Variants in SRPK2 observed in about 807,000 individuals in gnomAD.
SRPK2 encodes the protein SFRS protein kinase 2.
SRPK2 carries 21 observed loss-of-function variants against 90.8 expected under a neutral mutation model. That is an observed-to-expected ratio of 0.23 (90% confidence interval 0.16 to 0.33). The LOEUF is 0.33. SRPK2 is among the 10% of genes least tolerant of loss of function. The pLI is 1.00. For missense variants in SRPK2, 620 were observed against 869.0 expected (o/e 0.71, Z 3.60); for synonymous variants, 288 against 311.1 (o/e 0.93, Z 0.78).
At position 105,388,858 on chromosome 7, in the gene SRPK2, C is replaced by G; in HGVS notation, c.-52G>C. ...GGCTTCGCGACGGCGACGCGGGCGC[C>G]GAGACGAGCTGGGCTGCAGCCTCCA... is the stretch of plus-strand genomic sequence containing the variant. On this transcript the variant is annotated 5_prime_UTR_variant, in exon 1 of 16. Transcript: ENST00000393651. The G allele has an allele frequency of 7.6e-7, 1 of 1,310,626 alleles. No individual in the cohort carries two copies. Among genetic ancestry groups the G allele is most frequent in the South Asian group, 2.1e-5 (1 of 46,742 alleles). The allele number at this position is 1,310,626 out of a possible 1,614,324, so 81.2% of individuals were successfully genotyped here.
chr7:105,274,572 G>C (rs1370623236), intron 2 of SRPK2, among the ~76,000 whole-genome samples: 1 of 150,850 alleles, frequency 6.6e-6, no homozygotes, highest in Non-Finnish European at 1.5e-5. Context: ...AAAAAAAAAA[G>C]TATAAAAAGA....
chr7:105,268,453 T>C (rs1446345379), intron 2 of SRPK2, among the ~76,000 whole-genome samples: 13 of 152,214 alleles, frequency 8.5e-5, no homozygotes, highest in Non-Finnish European at 7.3e-5. Context: ...AACCTCAACA[T>C]ATAGGAAGAA....
chr7:105,237,877 T>C (rs1292701785), intron 2 of SRPK2, among the ~76,000 whole-genome samples: 1 of 152,122 alleles, frequency 6.6e-6, no homozygotes, highest in East Asian at 1.9e-4. Flanking sequence ...AAGACTGATT[T>C]AGGGGAAAAC....
At chr7:105,249,319 A>C (rs1024198458) in intron 2 of SRPK2, among the ~76,000 whole-genome samples, 4 of 152,244 alleles carry the variant, frequency 2.6e-5, no homozygotes, top group Non-Finnish European at 5.9e-5. Flanking sequence ...CAAAGTGAGA[A>C]TAAAGCCATC....
At chr7:105,301,516 G>T in intron 2 of SRPK2, 3 of 1,403,250 alleles carry the variant, frequency 2.1e-6, no homozygotes, top group Non-Finnish European at 3.0e-6. Context: ...CGCAACCGGT[G>T]TGACGAGTGC....
In SRPK2 at chr7:105,316,356, C is replaced by T. The variant is rs529955910; in HGVS notation, c.71+72292G>A. ...AAGGCCTAGGAAATAGCATTAACTT[C>T]GGTAGTATATTCACCACTCAATCAA... is the stretch of plus-strand genomic sequence containing the variant. On this transcript the variant is annotated intron_variant, in intron 2 of 15. Coordinates refer to ENST00000393651, the MANE Select transcript of SRPK2 (RefSeq NM_182692.3). Among the ~76,000 whole-genome samples, 36 of 152,254 alleles carry T rather than the reference C, an allele frequency of 2.4e-4. No homozygotes were observed. In the South Asian group the frequency reaches 3.9e-3, roughly 17 times the overall value.
chr7:105,254,370 A>G (rs1802926136), intron 2 of SRPK2, among the ~76,000 whole-genome samples: 1 of 152,212 alleles, frequency 6.6e-6, no homozygotes, highest in Non-Finnish European at 1.5e-5. Context: ...TACACTGCCA[A>G]TGACAACGTA....
intron 2 of SRPK2, among the ~76,000 whole-genome samples, chr7:105,328,561 C>CCAAA (rs1813874959): frequency 2.1e-5 from 1 of 47,196 alleles, no homozygotes. Context: ...GGCTCTGTCT[C>CCAAA]AAAAAAAAAA....
intron 2 of SRPK2, among the ~76,000 whole-genome samples, chr7:105,210,522 T>TA (rs1796723224): frequency 6.6e-6 from 1 of 152,232 alleles, no homozygotes; most frequent in Non-Finnish European, 1.5e-5. Context: ...GAACTTCAGA[T>TA]AATTTCATGT....
At chr7:105,222,942 T>G (rs1015104201) in intron 2 of SRPK2, among the ~76,000 whole-genome samples, 3 of 152,248 alleles carry the variant, frequency 2.0e-5, no homozygotes, top group African/African-American at 7.2e-5. Flanking sequence ...CTATTTGCTT[T>G]CACATTTATT....
At chr7:105,261,373 T>A (rs1804257993) in intron 2 of SRPK2, among the ~76,000 whole-genome samples, 1 of 152,020 alleles carries the variant, frequency 6.6e-6, no homozygotes, top group East Asian at 1.9e-4. Flanking sequence ...TACAAAAAAT[T>A]AGCCAGGCAT....
At chr7:105,395,808 G>A (rs1047973517) in intron 1 of SRPK2, among the ~76,000 whole-genome samples, 2 of 152,062 alleles carry the variant, frequency 1.3e-5, no homozygotes, top group Admixed American at 1.3e-4. Context: ...AACTATCTTT[G>A]CAAATCAGAT....
intron 2 of SRPK2, among the ~76,000 whole-genome samples, chr7:105,230,499 C>T (rs1031205137): frequency 3.3e-5 from 5 of 152,110 alleles, no homozygotes; most frequent in African/African-American, 9.7e-5. Flanking sequence ...AAGATTACTC[C>T]AGCACACTTA....
chr7:105,348,621 C>T (rs1816762319), intron 2 of SRPK2, among the ~76,000 whole-genome samples: 1 of 151,022 alleles, frequency 6.6e-6, no homozygotes, highest in Non-Finnish European at 1.5e-5. Flanking sequence ...TGAGATTTCA[C>T]CATGTTGGCC....
intron 2 of SRPK2, among the ~76,000 whole-genome samples, chr7:105,278,884 T>G (rs923432354): frequency 2.0e-5 from 3 of 152,198 alleles, no homozygotes; most frequent in Admixed American, 2.0e-4. Flanking sequence ...AGATGTCCAA[T>G]CATGTTATTA....
chr7:105,371,600 A>AC (rs1431437664), intron 2 of SRPK2, among the ~76,000 whole-genome samples: 2 of 151,426 alleles, frequency 1.3e-5, no homozygotes, highest in South Asian at 2.1e-4. Context: ...AAAAAAAAAA[A>AC]AAAACACTAG....
At chr7:105,350,836 C>T (rs756042118) in intron 2 of SRPK2, among the ~76,000 whole-genome samples, 9 of 152,140 alleles carry the variant, frequency 5.9e-5, no homozygotes, top group Middle Eastern at 3.2e-3. Flanking sequence ...ACACAGATAG[C>T]TTAAACATGT....
intron 2 of SRPK2, chr7:105,244,575 A>T (rs1053060935): frequency 2.8e-5 from 17 of 613,298 alleles, no homozygotes; most frequent in Middle Eastern, 4.4e-4. Context: ...CTCCGTCTCA[A>T]CAACAATAAA....
intron 2 of SRPK2, among the ~76,000 whole-genome samples, chr7:105,315,095 A>T (rs531570577): frequency 6.6e-6 from 1 of 152,314 alleles, no homozygotes; most frequent in South Asian, 2.1e-4. Context: ...TGCACACCAT[A>T]GGGGATCCCA....
Sources: gnomAD v4.1 joint callset for allele counts (sites outside exome capture counted in the v4.1 genomes callset) on GRCh38, gnomAD v4.1.1 for gene constraint, MANE v1.5 for transcripts, NCBI Gene and HGNC (gene_info 2026-07-23, HGNC 2026-07-21) for gene names.